Variants in SUMF1 observed in about 807,000 individuals in gnomAD.
SUMF1 encodes formylglycine-generating enzyme.
SUMF1 carries 48 observed loss-of-function variants against 47.6 expected under a neutral mutation model. The ratio of observed to expected loss-of-function variants is 1.01; its 90% CI spans 0.80 to 1.28. The LOEUF (loss-of-function observed/expected upper bound fraction) is 1.28, where lower values mean the gene tolerates loss of function less well. SUMF1 is among the 50% of genes most tolerant of loss of function. SUMF1 has a pLI of 0.00. For missense variants in SUMF1, 571 were observed against 485.4 expected (o/e 1.18, Z -1.66); for synonymous variants, 230 against 192.1 (o/e 1.20, Z -1.63).
Position 4,128,042 on chromosome 3 carries a change from T to C in SUMF1, c.1015-59297A>G, listed in dbSNP as rs577680665. On this transcript the variant is annotated intron_variant and NMD_transcript_variant, in intron 8 of 12. Transcript: ENST00000448413. ...CGAGGAACATAATGAAGCAGGTTAG[T>C]TGCTCCTAAGTTCAGTGGACAAAGT... Among the ~76,000 whole-genome samples, 412 of 152,168 alleles carry C rather than the reference T, an allele frequency of 2.7e-3. 2 individuals carry two copies. The highest frequency in any genetic ancestry group is 9.4e-3 in the African/African-American group (389 of 41,468).
chr3:4,407,218 A>G (rs1701405177), intron 7 of SUMF1, among the ~76,000 whole-genome samples: 1 of 152,182 alleles, frequency 6.6e-6, no homozygotes, highest in Non-Finnish European at 1.5e-5. Flanking sequence ...TTTGCCATAA[A>G]TGACTGCCCA....
At chr3:4,356,849 G>A (rs764728547), downstream of SUMF1, among the ~76,000 whole-genome samples, 14 of 152,232 alleles carry the variant, frequency 9.2e-5, no homozygotes, top group Non-Finnish European at 1.9e-4. Flanking sequence ...GAACAGAGCA[G>A]TGGCAGCACG....
intron 3 of SUMF1, among the ~76,000 whole-genome samples, chr3:4,422,575 A>C (rs957755336): frequency 2.6e-5 from 4 of 151,828 alleles, no homozygotes; most frequent in African/African-American, 9.7e-5. Flanking sequence ...GCTATTATGA[A>C]TAGTACTGCT....
chr3:4,189,467 A>G (rs1376403452), intron 8 of SUMF1, among the ~76,000 whole-genome samples: 5 of 152,124 alleles, frequency 3.3e-5, no homozygotes, highest in African/African-American at 1.2e-4. Context: ...GTCAGCAATA[A>G]TTTTCCTACA....
chr3:4,261,621 ATG>A (rs1414066563), intron 8 of SUMF1, among the ~76,000 whole-genome samples: 2 of 152,218 alleles, frequency 1.3e-5, no homozygotes, highest in East Asian at 3.9e-4. Context: ...GAGCTGTGAT[ATG>A]CCTGCCGAGA....
chr3:4,109,843 C>A (rs1013751436), intron 8 of SUMF1, among the ~76,000 whole-genome samples: 2 of 151,964 alleles, frequency 1.3e-5, no homozygotes, highest in Non-Finnish European at 2.9e-5. Context: ...TTTTTCAAAG[C>A]TTTTAACTTC....
chr3:4,217,523 T>TATATATA (rs1695957830), intron 8 of SUMF1, among the ~76,000 whole-genome samples: 1 of 48,608 alleles, frequency 2.1e-5, no homozygotes, highest in Non-Finnish European at 4.5e-5. Context: ...TTTATATATA[T>TATATATA]ATATATATAT....
intron 8 of SUMF1, among the ~76,000 whole-genome samples, chr3:4,320,164 G>A (rs1423519073): frequency 6.6e-6 from 1 of 152,168 alleles, no homozygotes; most frequent in Non-Finnish European, 1.5e-5. Context: ...CATTTAAGAA[G>A]TCAGGGAATC....
At chr3:4,272,544 G>C (rs1466373287) in intron 8 of SUMF1, among the ~76,000 whole-genome samples, 1 of 152,138 alleles carries the variant, frequency 6.6e-6, no homozygotes, top group African/African-American at 2.4e-5. Flanking sequence ...CTATCAGGTA[G>C]CAGCAGACCT....
At chr3:4,382,796 CATT>C (rs201659091) in intron 7 of SUMF1, among the ~76,000 whole-genome samples, 12,834 of 152,214 alleles carry the variant, frequency 0.084, 733 homozygotes, top group Non-Finnish European at 0.12. Flanking sequence ...TGGAAACCAT[CATT>C]CTCAACAAAC....
At chr3:4,202,389 C>G (rs1360115909) in intron 8 of SUMF1, among the ~76,000 whole-genome samples, 1 of 151,844 alleles carries the variant, frequency 6.6e-6, no homozygotes, top group Non-Finnish European at 1.5e-5. Flanking sequence ...GTTCTTGGCA[C>G]CTCTGTCAAA....
rs762094231 is a variant in SUMF1 at position 4,466,995 on chromosome 3, C to A, written c.251G>T (p.Arg84Leu). 2 of 1,600,988 alleles carry A rather than the reference C, an allele frequency of 1.2e-6. No homozygotes were observed. The highest frequency in any genetic ancestry group is 1.7e-6 in the Non-Finnish European group (2 of 1,175,458). ...ANAPGPVPGE[R>L]QLAHSKMVPI... ...GAGCACCTTTGAGTGCGCGAGTTGC[C>A]GCTCTCCGGGTACGGGGCCCGGAGC... Residue 84 changes from arginine to leucine, a missense_variant, in exon 1 of 9, where the codon CGG (arginine) becomes CTG (leucine). By Grantham distance (102) the Arg-to-Leu change is moderately radical (BLOSUM62 -2). Coordinates refer to ENST00000272902, the MANE Select transcript of SUMF1 (RefSeq NM_182760.4).
In SUMF1 at chr3:4,044,640, C is replaced by T. The variant is rs10433547; in HGVS notation, c.1191+23929G>A. 7.0e-3 allele frequency among the ~76,000 whole-genome samples: 1,069 copies of T among 152,312 alleles called. 21 individuals carry two copies. The highest frequency in any genetic ancestry group is 0.054 in the South Asian group (262 of 4,830). On this transcript the variant is annotated intron_variant and NMD_transcript_variant, in intron 9 of 12. Coordinates refer to the SUMF1 transcript ENST00000448413. ...AGGCTGGAAGTAAATGTTAAGGATT[C>T]GTGTCTTGCAATCCTGCATGAAGAA... is the stretch of plus-strand genomic sequence containing the variant.
intron 8 of SUMF1, among the ~76,000 whole-genome samples, chr3:4,307,156 T>C (rs1426340000): frequency 3.9e-5 from 6 of 152,236 alleles, no homozygotes; most frequent in Non-Finnish European, 7.3e-5. Flanking sequence ...CACTTCTTTA[T>C]AATTCAGAGG....
At chr3:4,217,514 T>TTATATATATATATATATATATATATA (rs370463309) in intron 8 of SUMF1, among the ~76,000 whole-genome samples, 1 of 45,198 alleles carries the variant, frequency 2.2e-5, no homozygotes, top group African/African-American at 1.0e-4. Context: ...AAAGTATTTT[T>TTATATATATATATATATATATATATA]TATATATATA....
chr3:4,447,196 T>A (rs1565590), intron 3 of SUMF1, among the ~76,000 whole-genome samples: 20,282 of 150,974 alleles, frequency 0.13, 1,694 homozygotes, highest in African/African-American at 0.23. Flanking sequence ...AAGATTTTTT[T>A]AAAAAAAAAG....
chr3:4,320,622 T>G (rs948326085), intron 8 of SUMF1, among the ~76,000 whole-genome samples: 4 of 152,178 alleles, frequency 2.6e-5, no homozygotes, highest in African/African-American at 4.8e-5. Context: ...GATTGTCTTA[T>G]GTAAATAAAG....
rs1695389906 is a variant in SUMF1, at chr3:4,194,606, GTT to G, written c.1015-125863_1015-125862del. Among the ~76,000 whole-genome samples, 3 of 152,254 alleles carry G rather than the reference GTT, an allele frequency of 2.0e-5. No homozygotes were observed. In the East Asian group the frequency reaches 5.8e-4, roughly 29 times the overall value. Reference sequence around the variant, plus strand: ...ATGTATAATAATAACAGACTCAAAAGTTCTACCTAACTTTTCAAGTTGTGGTG... The same window carrying G: ...ATGTATAATAATAACAGACTCAAAAGCTACCTAACTTTTCAAGTTGTGGTG... On this transcript the variant is annotated intron_variant and NMD_transcript_variant, in intron 8 of 12. Transcript: ENST00000448413.
intron 8 of SUMF1, among the ~76,000 whole-genome samples, chr3:4,190,297 G>A (rs758685906): frequency 5.3e-5 from 8 of 152,046 alleles, no homozygotes; most frequent in Non-Finnish European, 1.0e-4. Flanking sequence ...AAACACGAGG[G>A]AAGCACAGGG....
Sources: allele counts gnomAD v4.1 joint callset (sites outside exome capture counted in the v4.1 genomes callset), GRCh38; gene constraint gnomAD v4.1.1; transcripts MANE v1.5; gene names NCBI Gene and HGNC (gene_info 2026-07-23, HGNC 2026-07-21).